The following SYNPO variants were observed in gnomAD, a reference collection of about 807,000 sequenced individuals.
The protein encoded by SYNPO is synaptopodin.
Under a neutral mutation model 49.5 loss-of-function variants are expected in SYNPO, and 19 were observed. That is an observed-to-expected ratio of 0.38 (90% CI 0.27 to 0.56). SYNPO has a LOEUF of 0.56. Among genes scored for constraint, SYNPO ranks in the 20% least tolerant of loss-of-function variants. The pLI, the probability that SYNPO is intolerant of heterozygous loss-of-function variation, is 0.68. For synonymous variants in SYNPO, 536 were observed against 548.0 expected (o/e 0.98, Z 0.31); for missense variants, 1,131 against 1,248.3 (o/e 0.91, Z 1.42).
chr5:150,605,744 C>A (rs1016128942), intron 1 of SYNPO, among the ~76,000 whole-genome samples: 2 of 141,110 alleles, frequency 1.4e-5, no homozygotes, highest in Non-Finnish European at 3.0e-5. Context: ...ACCACCCCCA[C>A]CACACACACA....
chr5:150,649,270 C>A lies in SYNPO; in HGVS notation c.995C>A (p.Ser332Tyr). 1 of 1,614,210 alleles carries A rather than the reference C, an allele frequency of 6.2e-7. No homozygotes were observed. Among genetic ancestry groups the A allele is most frequent in the Non-Finnish European group, 8.5e-7 (1 of 1,180,036 alleles). The stretch of plus-strand genomic sequence containing the variant: ...ACCTTGTCCACAGCCCCTCTGGCTT[C>A]CTGGGTGAGGTCTCCTCCCTCATAT... ...TETLSTAPLA[S>Y]WVRSPPSYSV... Residue 332 changes from serine (S) to tyrosine (Y), a missense_variant, in exon 2 of 3, where the codon TCC becomes TAC. This residue lies in a region of SYNPO where 602 missense variants were observed against 720.7 expected (regional missense o/e 0.84). Transcript: ENST00000307662.
Position 150,657,231 on chromosome 5 carries a change from G to A in SYNPO, c.*144G>A, listed in dbSNP as rs779588534. On this transcript the variant is annotated 3_prime_UTR_variant, in exon 3 of 3. Coordinates refer to ENST00000307662, the MANE Select transcript of SYNPO (RefSeq NM_007286.6). ...GAGCTCTGGGGTTGGGGATGGGTTAGGGACGCAAGCTTGAGTTCTAGCCCT... is the reference window on the plus strand; with the variant it reads ...GAGCTCTGGGGTTGGGGATGGGTTAAGGACGCAAGCTTGAGTTCTAGCCCT... 3.0e-5 allele frequency: 27 copies of A among 905,114 alleles called. No individual in the cohort carries two copies. Among genetic ancestry groups the A allele is most frequent in the Non-Finnish European group, 2.8e-5 (17 of 614,876 alleles). 56.1% of individuals were successfully genotyped at this position (905,114 alleles called of 1,614,324 possible).
At chr5:150,641,333 G>T (rs1413019806) in intron 1 of SYNPO, among the ~76,000 whole-genome samples, 2 of 152,160 alleles carry the variant, frequency 1.3e-5, no homozygotes, top group Non-Finnish European at 2.9e-5. Flanking sequence ...CAGGGGGGCA[G>T]TTTACCCAGC....
At chr5:150,631,601 C>G (rs755875169) in intron 2 of SYNPO, among the ~76,000 whole-genome samples, 1 of 152,086 alleles carries the variant, frequency 6.6e-6, no homozygotes, top group Non-Finnish European at 1.5e-5. Flanking sequence ...TGCGAAGGGG[C>G]TTGAGGCGGA....
rs1054672561 is a variant in SYNPO, at chr5:150,640,731, T to C, written c.-456T>C. On this transcript the variant is annotated 5_prime_UTR_variant, in exon 1 of 3. Transcript: ENST00000307662. Reference sequence around the variant, plus strand: ...CAGCTCCTTCATGTTGCTGCCGATGTGGGATTTTCCTGGCTTCGTCAGCCA... The same window carrying C: ...CAGCTCCTTCATGTTGCTGCCGATGCGGGATTTTCCTGGCTTCGTCAGCCA... 2 of 985,442 alleles carry C rather than the reference T, an allele frequency of 2.0e-6. No homozygotes were observed. The highest frequency in any genetic ancestry group is 3.5e-5 in the African/African-American group (2 of 57,230). The allele number at this position is 985,442 out of a possible 1,614,324, so 61.0% of individuals were successfully genotyped here.
chr5:150,632,209 G>A (rs1322760578), intron 2 of SYNPO, among the ~76,000 whole-genome samples: 1 of 152,192 alleles, frequency 6.6e-6, no homozygotes, highest in Non-Finnish European at 1.5e-5. Context: ...GCCCATGGAT[G>A]CAGTATCAGC....
the SYNPO span, among the ~76,000 whole-genome samples, chr5:150,586,763 A>G: frequency 6.6e-6 from 1 of 152,228 alleles, no homozygotes; most frequent in Non-Finnish European, 1.5e-5. Context: ...AATATAGTAA[A>G]AACCTGAGAA....
At position 150,649,977 on chromosome 5, in the gene SYNPO, C is replaced by T. The variant is rs768533306; in HGVS notation, c.1702C>T (p.Arg568Cys). 41 of 1,612,748 alleles carry T rather than the reference C, an allele frequency of 2.5e-5. No individual in the cohort carries two copies. Among genetic ancestry groups the T allele is most frequent in the African/African-American group, 4.0e-5 (3 of 74,950 alleles). ...EPTKQPPYQLRPSLFVLSPIK... is the reference protein window; with the variant it reads ...EPTKQPPYQLCPSLFVLSPIK... Reference sequence around the variant, plus strand: ...CACCAAGCAGCCGCCATACCAGCTGCGCCCCTCGCTCTTTGTCCTCTCACC... The same window carrying T: ...CACCAAGCAGCCGCCATACCAGCTGTGCCCCTCGCTCTTTGTCCTCTCACC... Residue 568 changes from arginine to cysteine, a missense_variant, in exon 2 of 3, where the codon CGC (arginine) becomes TGC (cysteine). Arg to Cys is a radical substitution (Grantham distance 180). This residue lies in a region of SYNPO where 602 missense variants were observed against 720.7 expected (regional missense o/e 0.84). Coordinates refer to ENST00000307662, the MANE Select transcript of SYNPO (RefSeq NM_007286.6).
chr5:150,651,300 C>G lies in SYNPO; in HGVS notation c.2028+997C>G, dbSNP rs529663037. ...GAGGCAGGAGAGGAGGGTTCCGGTC[C>G]CATGTCACCTTCTCATTTGCTGTGT... On this transcript the variant is annotated intron_variant, in intron 2 of 2. Coordinates refer to ENST00000307662, the MANE Select transcript of SYNPO (RefSeq NM_007286.6). 4.0e-6 allele frequency: 4 copies of G among 1,000,886 alleles called. No individual in the cohort carries two copies. The South Asian group carries it at 1.4e-4, about 35-fold the overall frequency. The allele number at this position is 1,000,886 out of a possible 1,614,324, so 62.0% of individuals were successfully genotyped here.
chr5:150,650,395 A>G (rs1758330981), intron 2 of SYNPO, 92 bp downstream of exon 2: 1 of 1,571,820 alleles, frequency 6.4e-7, no homozygotes, highest in Admixed American at 1.8e-5. Flanking sequence ...GATGGAGAGC[A>G]GATGTGGCAG....
chr5:150,596,099 C>T (rs1756420377), upstream of SYNPO, among the ~76,000 whole-genome samples: 1 of 152,216 alleles, frequency 6.6e-6, no homozygotes, highest in Admixed American at 6.5e-5. Flanking sequence ...AAATAAAACA[C>T]AGCTCTCTAT....
Position 150,613,228 on chromosome 5 carries a change from G to A in SYNPO, c.-265-4875G>A, listed in dbSNP as rs182922860. On this transcript the variant is annotated intron_variant, in intron 1 of 2. Transcript: ENST00000394243. ...GTTGCCTCCAACCCAAACCTACAGA[G>A]CTGGGCCTTGCAGTCATTTCCCCCA... Among the ~76,000 whole-genome samples the A allele has an allele frequency of 9.1e-4, 139 of 152,252 alleles. 1 individual carries two copies. The highest frequency in any genetic ancestry group is 3.2e-3 in the African/African-American group (133 of 41,544).
intron 1 of SYNPO, among the ~76,000 whole-genome samples, chr5:150,643,669 G>C (rs1757987929): frequency 6.6e-6 from 1 of 152,076 alleles, no homozygotes; most frequent in South Asian, 2.1e-4. Flanking sequence ...CAAGTAGCTG[G>C]GATTACAGGC....
intron 2 of SYNPO, among the ~76,000 whole-genome samples, chr5:150,623,114 T>A (rs1020937644): frequency 4.6e-5 from 7 of 152,194 alleles, no homozygotes; most frequent in Non-Finnish European, 8.8e-5. Context: ...TGCAGTTGCA[T>A]CTGAAAACAT....
At chr5:150,618,363 G>A (rs1356611968) in exon 2 of SYNPO, 1 of 1,545,976 alleles carries the variant, frequency 6.5e-7, no homozygotes, top group South Asian at 1.2e-5. Flanking sequence ...AGGAAGAACA[G>A]CACCATGCTG....
At position 150,656,431 on chromosome 5, in the gene SYNPO, C is replaced by G. The variant is rs756810588; in HGVS notation, c.2056C>G (p.Pro686Ala). ...QDRRESLPTS[P>A]PWTPGASRPP... ...CCGCCGGGAGAGCCTGCCCACCTCC[C>G]CACCCTGGACGCCGGGCGCGTCCCG... is the stretch of plus-strand genomic sequence containing the variant. The change falls in exon 3 of 3, where the codon CCA (proline) becomes GCA (alanine). Residue 686 changes from proline (P) to alanine (A), a missense_variant. Physicochemically the swap from Pro to Ala is conservative, Grantham distance 27 (BLOSUM62 -1). This residue lies in a region of SYNPO where 509 missense variants were observed against 484.5 expected (regional missense o/e 1.05). Coordinates refer to ENST00000307662, the MANE Select transcript of SYNPO (RefSeq NM_007286.6). 158 of 1,531,932 alleles carry G rather than the reference C, an allele frequency of 1.0e-4. No individual in the cohort carries two copies. Among genetic ancestry groups the G allele is most frequent in the Non-Finnish European group, 1.3e-4 (148 of 1,145,314 alleles). 94.9% of individuals were successfully genotyped at this position (1,531,932 alleles called of 1,614,324 possible).
chr5:150,639,159 G>A (rs369401751), upstream of SYNPO, among the ~76,000 whole-genome samples: 14 of 152,390 alleles, frequency 9.2e-5, no homozygotes, highest in African/African-American at 3.4e-4. Flanking sequence ...TCAGCCAACA[G>A]GGAGCAGGGC....
intron 1 of SYNPO, among the ~76,000 whole-genome samples, chr5:150,604,467 T>A (rs1473505246): frequency 1.3e-5 from 2 of 152,202 alleles, no homozygotes; most frequent in African/African-American, 4.8e-5. Context: ...CTTTGATTTC[T>A]TTTTCCTGGG....
At chr5:150,628,939 G>GGGCTCTC (rs1663552652) in intron 2 of SYNPO, among the ~76,000 whole-genome samples, 1 of 152,136 alleles carries the variant, frequency 6.6e-6, no homozygotes, top group African/African-American at 2.4e-5. Context: ...TTAAGGAGAT[G>GGGCTCTC]GGCTCTCGCT....
Sources: gnomAD v4.1 joint callset for allele counts (sites outside exome capture counted in the v4.1 genomes callset) on GRCh38, gnomAD v4.1.1 for gene constraint, gnomAD v4.1.1 regional missense constraint, MANE v1.5 for transcripts, NCBI Gene and HGNC (gene_info 2026-07-23, HGNC 2026-07-21) for gene names.